The following CFAP54 variants were observed in gnomAD, a reference collection of about 807,000 sequenced individuals.
CFAP54 encodes cilia and flagella associated protein 54, also known as cilia- and flagella-associated protein 54.
In CFAP54, 290 loss-of-function variants were observed where a neutral mutation model predicts 370.4. The observed-to-expected ratio is 0.78, with a 90% CI of 0.71 to 0.86. The LOEUF is 0.86. CFAP54 is among the 40% of genes least tolerant of loss of function. The pLI, the probability that CFAP54 is intolerant of heterozygous loss-of-function variation, is 0.00. For synonymous variants in CFAP54, 1,206 were observed against 1,236.5 expected, an observed-to-expected ratio of 0.98 and a Z score of 0.52; for missense variants, 3,399 against 3,528.7, an observed-to-expected ratio of 0.96 and a Z score of 0.93.
At chr12:96,549,160 G>A (rs970895521) in intron 15 of CFAP54, among the ~76,000 whole-genome samples, 1 of 152,078 alleles carries the variant, frequency 6.6e-6, no homozygotes, top group Non-Finnish European at 1.5e-5. Flanking sequence ...GGCCTCTCTG[G>A]TAGATTTTTA....
chr12:96,776,139 G>A (rs1341910245), intron 60 of CFAP54, among the ~76,000 whole-genome samples: 1 of 151,890 alleles, frequency 6.6e-6, no homozygotes, highest in South Asian at 2.1e-4. Context: ...ACTTTTTCAG[G>A]AAAATTAGTT....
chr12:96,729,364 C>A (rs1182744749), intron 50 of CFAP54, among the ~76,000 whole-genome samples: 1 of 152,268 alleles, frequency 6.6e-6, no homozygotes, highest in Non-Finnish European at 1.5e-5. Context: ...CTTTGTTTAC[C>A]TAAGCAAGCC....
chr12:96,630,259 T>A (rs942582430), intron 31 of CFAP54, 55 bp downstream of exon 31: 2 of 906,800 alleles, frequency 2.2e-6, no homozygotes, highest in East Asian at 5.3e-5. Flanking sequence ...GATTCATGTA[T>A]CTAGAGATGA....
At chr12:96,609,676 G>A (rs1375345129) in intron 26 of CFAP54, among the ~76,000 whole-genome samples, 1 of 151,824 alleles carries the variant, frequency 6.6e-6, no homozygotes, top group Non-Finnish European at 1.5e-5. Context: ...ATGACGATCT[G>A]GTAAAAAAAT....
chr12:96,589,998 C>T (rs1023289250), intron 23 of CFAP54, among the ~76,000 whole-genome samples: 4 of 152,200 alleles, frequency 2.6e-5, no homozygotes, highest in Non-Finnish European at 5.9e-5. Flanking sequence ...CTGCCCACCT[C>T]AGCCTTCCAA....
intron 60 of CFAP54, among the ~76,000 whole-genome samples, chr12:96,773,813 A>G (rs578245043): frequency 1.2e-4 from 19 of 152,334 alleles, no homozygotes; most frequent in African/African-American, 3.8e-4. Context: ...TCATCTGTAC[A>G]TCTTATACAT....
At position 96,693,710 on chromosome 12, in the gene CFAP54, T is replaced by G. The variant is rs544632480; in HGVS notation, c.6265-12T>G. ...ATATATTTTGAAACAAAGAGTGTTT[T>G]TCTCCTGATAGGTTCTGCCTCTCCT... is the stretch of plus-strand genomic sequence containing the variant. On this transcript the variant is annotated splice_polypyrimidine_tract_variant and intron_variant, in intron 44 of 67. Transcript: ENST00000524981. 1.2e-4 allele frequency: 185 copies of G among 1,517,114 alleles called. 2 individuals are homozygous for G. The East Asian group carries it at 4.2e-3, about 34-fold the overall frequency. 94.0% of individuals were successfully genotyped at this position (1,517,114 alleles called of 1,614,324 possible).
intron 66 of CFAP54, among the ~76,000 whole-genome samples, chr12:96,860,060 G>A (rs1453048394): frequency 2.0e-5 from 3 of 150,330 alleles, no homozygotes; most frequent in Non-Finnish European, 4.4e-5. Context: ...GGTTCATTAT[G>A]CTTTTTTAAG....
At chr12:96,526,036 A>C (rs1409588095) in intron 8 of CFAP54, among the ~76,000 whole-genome samples, 1 of 152,182 alleles carries the variant, frequency 6.6e-6, no homozygotes, top group Admixed American at 6.5e-5. Flanking sequence ...AAAGGTACAC[A>C]AGCTTATGAG....
chr12:96,792,746 A>G (rs1387050784), intron 63 of CFAP54, among the ~76,000 whole-genome samples: 1 of 152,128 alleles, frequency 6.6e-6, no homozygotes, highest in African/African-American at 2.4e-5. Flanking sequence ...ACCATTATAT[A>G]TGATGCTTAA....
At chr12:96,502,443 A>G (rs910072245) in intron 2 of CFAP54, among the ~76,000 whole-genome samples, 1 of 151,234 alleles carries the variant, frequency 6.6e-6, no homozygotes, top group Non-Finnish European at 1.5e-5. Flanking sequence ...CTGAAAATGA[A>G]CTTGTTACTT....
intron 60 of CFAP54, among the ~76,000 whole-genome samples, chr12:96,784,284 G>A (rs1338631551): frequency 6.6e-6 from 1 of 152,030 alleles, no homozygotes; most frequent in East Asian, 1.9e-4. Context: ...AGATTTTGGT[G>A]TCTATCAGTT....
At chr12:96,614,748 C>G (rs1418257289) in intron 26 of CFAP54, among the ~76,000 whole-genome samples, 1 of 152,168 alleles carries the variant, frequency 6.6e-6, no homozygotes, top group African/African-American at 2.4e-5. Context: ...CATGAGTGAA[C>G]TCCCATTCAC....
At chr12:96,854,631 G>A (rs1959648868) in intron 66 of CFAP54, among the ~76,000 whole-genome samples, 1 of 152,140 alleles carries the variant, frequency 6.6e-6, no homozygotes, top group African/African-American at 2.4e-5. Flanking sequence ...TCAGGATACA[G>A]CCAGTCCATG....
chr12:96,865,412 A>G (rs927990680), intron 67 of CFAP54, among the ~76,000 whole-genome samples: 35 of 152,210 alleles, frequency 2.3e-4, no homozygotes, highest in African/African-American at 7.7e-4. Context: ...TACTATTTGT[A>G]TAAAGCTTAA....
chr12:96,775,324 G>T (rs542979646), intron 60 of CFAP54, among the ~76,000 whole-genome samples: 2 of 152,176 alleles, frequency 1.3e-5, no homozygotes, highest in South Asian at 4.1e-4. Context: ...AGCTACTCGG[G>T]AGGCTGAGGC....
intron 4 of CFAP54, among the ~76,000 whole-genome samples, chr12:96,507,534 T>TACACAC (rs34776926): frequency 0.046 from 6,495 of 140,628 alleles, 287 homozygotes; most frequent in African/African-American, 0.12. Flanking sequence ...CACACACACA[T>TACACAC]ACACACACAC....
chr12:96,691,814 G>C (rs1050071246), intron 44 of CFAP54, among the ~76,000 whole-genome samples: 2 of 151,972 alleles, frequency 1.3e-5, no homozygotes, highest in Admixed American at 6.6e-5. Flanking sequence ...AAAAATCCAA[G>C]TACAGCTCTC....
chr12:96,792,489 C>T lies in CFAP54; in HGVS notation c.8840C>T (p.Thr2947Ile). ...CCCCTGGATAGACCTCCCAAGGAGACAGAACCTATGGTATGTAATGTACTT... is the reference window on the plus strand; with the variant it reads ...CCCCTGGATAGACCTCCCAAGGAGATAGAACCTATGGTATGTAATGTACTT... ...IPPLDRPPKETEPMVLLLYAY... is the reference protein window; with the variant it reads ...IPPLDRPPKEIEPMVLLLYAY... Residue 2947 changes from threonine (T) to isoleucine (I), a missense_variant, in exon 63 of 68, where the codon ACA (threonine) becomes ATA (isoleucine). This residue lies in a region of CFAP54 where 2,796 missense variants were observed against 2,869.7 expected (regional missense o/e 0.97). Transcript: ENST00000524981. 1 of 1,533,784 alleles carries T rather than the reference C, an allele frequency of 6.5e-7. No homozygotes were observed. The highest frequency in any genetic ancestry group is 2.0e-5 in the Admixed American group (1 of 50,752).
Sources: gnomAD v4.1 joint callset for allele counts (sites outside exome capture counted in the v4.1 genomes callset) on GRCh38, gnomAD v4.1.1 for gene constraint, gnomAD v4.1.1 regional missense constraint, MANE v1.5 for transcripts, NCBI Gene and HGNC (gene_info 2026-07-23, HGNC 2026-07-21) for gene names.